Variants in AKAP13 observed in about 807,000 individuals in gnomAD.
AKAP13 encodes A-kinase anchoring protein 13.
Under a neutral mutation model 264.5 loss-of-function variants are expected in AKAP13, and 80 were observed. The ratio of observed to expected loss-of-function variants is 0.30; its 90% CI spans 0.25 to 0.36. The LOEUF (loss-of-function observed/expected upper bound fraction) is 0.36. AKAP13 is among the 10% of genes least tolerant of loss of function. The pLI is 1.00. For missense variants in AKAP13, 3,712 were observed against 3,435.2 expected (o/e 1.08, Z -2.01); for synonymous variants, 1,380 against 1,250.2 (o/e 1.10, Z -2.19).
intron 1 of AKAP13, among the ~76,000 whole-genome samples, chr15:85,405,992 C>T (rs946249302): frequency 6.6e-6 from 1 of 152,114 alleles, no homozygotes; most frequent in Non-Finnish European, 1.5e-5. Context: ...CATCTACAGG[C>T]ATGTGCCACC....
intron 1 of AKAP13, among the ~76,000 whole-genome samples, chr15:85,437,594 C>T (rs978368293): frequency 1.3e-5 from 2 of 152,076 alleles, no homozygotes; most frequent in South Asian, 2.1e-4. Context: ...AAAACGAATC[C>T]AGCAGCACAT....
At chr15:85,566,071 A>T (rs1393605842) in intron 5 of AKAP13, among the ~76,000 whole-genome samples, 1 of 152,216 alleles carries the variant, frequency 6.6e-6, no homozygotes, top group African/African-American at 2.4e-5. Flanking sequence ...GAAGCAGATG[A>T]TGTTGGAACT....
At chr15:85,671,937 G>A (rs935265353) in intron 14 of AKAP13, among the ~76,000 whole-genome samples, 4 of 152,156 alleles carry the variant, frequency 2.6e-5, no homozygotes, top group African/African-American at 9.7e-5. Flanking sequence ...TTCTTTCCTT[G>A]TGGATGAAAC....
At chr15:85,717,559 G>A (rs1428623132) in intron 21 of AKAP13, among the ~76,000 whole-genome samples, 157 bp downstream of exon 21, 2 of 152,186 alleles carry the variant, frequency 1.3e-5, no homozygotes, top group Non-Finnish European at 2.9e-5. Context: ...GCTTTGTCAT[G>A]ACTGCGTAAT....
At chr15:85,629,205 A>C (rs1159808545) in intron 8 of AKAP13, among the ~76,000 whole-genome samples, 2 of 152,098 alleles carry the variant, frequency 1.3e-5, no homozygotes, top group Non-Finnish European at 2.9e-5. Context: ...AAAGGAAGGA[A>C]GTGAGGGAAG....
intron 2 of AKAP13, among the ~76,000 whole-genome samples, chr15:85,503,852 G>A (rs1324222381): frequency 1.3e-5 from 2 of 152,196 alleles, no homozygotes; most frequent in Non-Finnish European, 2.9e-5. Context: ...TTGAACATGT[G>A]TTCATGAATT....
chr15:85,742,455 G>C (rs1010969508), intron 35 of AKAP13, among the ~76,000 whole-genome samples: 1 of 152,144 alleles, frequency 6.6e-6, no homozygotes, highest in African/African-American at 2.4e-5. Flanking sequence ...GGATCGGTGG[G>C]AGGCAGTTAC....
intron 1 of AKAP13, among the ~76,000 whole-genome samples, chr15:85,399,527 A>T (rs202206220): frequency 0.12 from 13,276 of 111,042 alleles, 1,113 homozygotes; most frequent in East Asian, 0.28. Flanking sequence ...AAAAAATAAA[A>T]AAATAAAAAA....
At chr15:85,645,282 A>G (rs919729535) in intron 9 of AKAP13, among the ~76,000 whole-genome samples, 4 of 152,230 alleles carry the variant, frequency 2.6e-5, no homozygotes, top group South Asian at 4.1e-4. Context: ...TATTGAACCG[A>G]AAACATTCTA....
At chr15:85,428,089 C>A (rs1210001818) in intron 1 of AKAP13, among the ~76,000 whole-genome samples, 1 of 152,138 alleles carries the variant, frequency 6.6e-6, no homozygotes, top group South Asian at 2.1e-4. Flanking sequence ...GCCACATGAA[C>A]AAGTCTGGTT....
intron 1 of AKAP13, among the ~76,000 whole-genome samples, chr15:85,390,767 G>A (rs559364050): frequency 6.6e-6 from 1 of 152,300 alleles, no homozygotes; most frequent in South Asian, 2.1e-4. Context: ...ATTACTTACA[G>A]ATTGGAAAAA....
chr15:85,716,069 T>A, intron 20 of AKAP13, 146 bp downstream of exon 20: 1 of 1,039,532 alleles, frequency 9.6e-7, no homozygotes, highest in South Asian at 1.9e-5. Context: ...CGATGGGGAT[T>A]ATGTTTCTGA....
At chr15:85,736,874 A>C (rs956271294) in intron 33 of AKAP13, among the ~76,000 whole-genome samples, 1 of 149,310 alleles carries the variant, frequency 6.7e-6, no homozygotes, top group Non-Finnish European at 1.5e-5. Flanking sequence ...TTGACACAGT[A>C]ATTTCTTATC....
intron 5 of AKAP13, chr15:85,555,260 A>G (rs2078101661): frequency 1.1e-5 from 2 of 179,140 alleles, no homozygotes; most frequent in South Asian, 3.7e-4. Flanking sequence ...TTGGGTTTGT[A>G]GAACTCATTA....
At chr15:85,620,598 C>G (rs2081139975) in intron 8 of AKAP13, among the ~76,000 whole-genome samples, 1 of 151,928 alleles carries the variant, frequency 6.6e-6, no homozygotes, top group Non-Finnish European at 1.5e-5. Flanking sequence ...TGTCTTTTGT[C>G]TGAGTCTTTT....
chr15:85,547,255 T>C (rs1388199275), intron 5 of AKAP13, among the ~76,000 whole-genome samples: 1 of 152,216 alleles, frequency 6.6e-6, no homozygotes, highest in Non-Finnish European at 1.5e-5. Flanking sequence ...TTATAGCCCT[T>C]CCCAAGTACA....
At chr15:85,458,142 A>C (rs796109625) in intron 1 of AKAP13, among the ~76,000 whole-genome samples, 3 of 151,768 alleles carry the variant, frequency 2.0e-5, no homozygotes, top group African/African-American at 7.2e-5. Flanking sequence ...CCATCTCAAA[A>C]AAAAAAAAAA....
At chr15:85,521,942 A>G (rs1018288867) in intron 3 of AKAP13, among the ~76,000 whole-genome samples, 2 of 152,176 alleles carry the variant, frequency 1.3e-5, no homozygotes, top group Admixed American at 6.5e-5. Flanking sequence ...TTATTGCCAA[A>G]TTTTTATGGA....
chr15:85,670,058 G>A (rs1175718884), intron 14 of AKAP13, among the ~76,000 whole-genome samples: 1 of 151,884 alleles, frequency 6.6e-6, no homozygotes, highest in East Asian at 1.9e-4. Flanking sequence ...TGTATTTGTG[G>A]GCATGAATCT....
Sources: allele counts gnomAD v4.1 joint callset (sites outside exome capture counted in the v4.1 genomes callset), GRCh38; gene constraint gnomAD v4.1.1; transcripts MANE v1.5; gene names NCBI Gene and HGNC (gene_info 2026-07-23, HGNC 2026-07-21).